Variants in AMDHD1 observed in about 807,000 individuals in gnomAD.
AMDHD1 encodes the protein amidohydrolase domain containing 1.
AMDHD1 carries 45 observed loss-of-function variants against 44.1 expected under a neutral mutation model. The observed-to-expected ratio is 1.02, with a 90% CI of 0.80 to 1.31. The LOEUF (loss-of-function observed/expected upper bound fraction) is 1.31. Among genes scored for constraint, AMDHD1 ranks in the 50% most tolerant of loss-of-function variants. The probability of loss-of-function intolerance (pLI) is 0.00; values close to 1 mark genes in which losing one functional copy is unlikely to be tolerated. For synonymous variants in AMDHD1, 206 were observed against 205.0 expected (o/e 1.00, Z -0.04); for missense variants, 586 against 552.1 (o/e 1.06, Z -0.61).
At position 95,960,561 on chromosome 12, in the gene AMDHD1, A is replaced by G. The variant is rs2080575981; in HGVS notation, c.751A>G (p.Lys251Glu). 5 of 1,614,120 alleles carry G rather than the reference A, an allele frequency of 3.1e-6. No homozygotes were observed. The highest frequency in any genetic ancestry group is 4.2e-6 in the Non-Finnish European group (5 of 1,180,046). The change falls in exon 5 of 9, where the codon AAA becomes GAA. Residue 251 changes from lysine (K) to glutamate (E), a missense_variant. By Grantham distance (56) the Lys-to-Glu change is moderately conservative. Transcript: ENST00000266736. Reference protein sequence around the residue: ...DSTRRILQRGKDIGLQINFHG... With the variant: ...DSTRRILQRGEDIGLQINFHG... The stretch of plus-strand genomic sequence containing the variant: ...CACCAGAAGGATTCTTCAACGTGGA[A>G]AAGATATAGGGTTACAGATTAACTT...
intron 1 of AMDHD1, among the ~76,000 whole-genome samples, chr12:95,946,331 A>G (rs960640849): frequency 2.0e-5 from 3 of 152,202 alleles, no homozygotes; most frequent in Non-Finnish European, 4.4e-5. Context: ...TTTCCTTCCT[A>G]GAAGCCAATT....
rs771138674 is a variant in AMDHD1, at chr12:95,956,776, T to TG, written c.402dup (p.Phe135ValfsTer40). On this transcript the variant is annotated frameshift_variant, in exon 4 of 9. Transcript: ENST00000266736. LOFTEE classifies it high-confidence loss of function. ...ACGCGCCAAGCCACAGAGGAGGAGC[T>TG]GTTCCGCTCCTTGCAGCAACGGCTC... The TG allele has an allele frequency of 6.2e-7, 1 of 1,614,222 alleles. No homozygotes were observed. Among genetic ancestry groups the TG allele is most frequent in the East Asian group, 2.2e-5 (1 of 44,884 alleles).
At chr12:95,965,185 A>G (rs2080603356) in intron 6 of AMDHD1, among the ~76,000 whole-genome samples, 2 of 151,368 alleles carry the variant, frequency 1.3e-5, no homozygotes, top group South Asian at 4.2e-4. Context: ...TGTAGTCCCA[A>G]CTACTCGGGA....
intron 4 of AMDHD1, among the ~76,000 whole-genome samples, chr12:95,958,613 T>C (rs1412636985): frequency 6.6e-6 from 1 of 152,216 alleles, no homozygotes; most frequent in Non-Finnish European, 1.5e-5. Context: ...CAGTTTGAAG[T>C]GATGCCAGAC....
intron 6 of AMDHD1, 92 bp from the exon 7 acceptor site, chr12:95,965,594 G>A (rs1162413085): frequency 4.3e-6 from 3 of 700,116 alleles, no homozygotes. Flanking sequence ...GAATATGAAG[G>A]CGTTGACTGT....
rs61939216 is a variant in AMDHD1, at chr12:95,948,596, G to A, written c.138-4121G>A. Reference sequence around the variant, plus strand: ...CCGACCCGTCCGGGAGGTGAGGGGCGCCTCTGCCCAGCCACCACCCCGTCT... The same window carrying A: ...CCGACCCGTCCGGGAGGTGAGGGGCACCTCTGCCCAGCCACCACCCCGTCT... On this transcript the variant is annotated intron_variant, in intron 1 of 8. Transcript: ENST00000266736. Among the ~76,000 whole-genome samples the A allele has an allele frequency of 3.6e-5, 3 of 82,772 alleles. 1 individual carries two copies. The highest frequency in any genetic ancestry group is 1.5e-4 in the African/African-American group (3 of 19,396). 54.3% of individuals were successfully genotyped at this position (82,772 alleles called of 152,430 possible).
intron 4 of AMDHD1, among the ~76,000 whole-genome samples, chr12:95,958,987 G>A (rs1302810423): frequency 7.9e-5 from 12 of 151,990 alleles, no homozygotes; most frequent in African/African-American, 2.4e-4. Context: ...CCCGGGAGGT[G>A]GAAGTTGCGG....
chr12:95,964,928 C>CAAA lies in AMDHD1; in HGVS notation c.939-737_939-735dup, dbSNP rs60076877. On this transcript the variant is annotated intron_variant, in intron 6 of 8. Coordinates refer to ENST00000266736, the MANE Select transcript of AMDHD1 (RefSeq NM_152435.3). ...AAAGGACCTACAGAGATGTTTGAGG[C>CAAA]AAAAAAAAAAAAAAAAAAAAAAAGA... is the stretch of plus-strand genomic sequence containing the variant. 1.9e-3 allele frequency among the ~76,000 whole-genome samples: 68 copies of CAAA among 35,676 alleles called. 3 individuals are homozygous for CAAA. Among genetic ancestry groups the CAAA allele is most frequent in the Middle Eastern group, 0.023 (1 of 44 alleles). 23.4% of individuals were successfully genotyped at this position (35,676 alleles called of 152,430 possible).
chr12:95,956,368 A>G (rs552828136), intron 3 of AMDHD1, among the ~76,000 whole-genome samples: 2 of 152,220 alleles, frequency 1.3e-5, no homozygotes, highest in Non-Finnish European at 2.9e-5. Flanking sequence ...TAGGCCTCCC[A>G]AAGTATTGGG....
chr12:95,950,380 T>C (rs1436870878), intron 1 of AMDHD1, among the ~76,000 whole-genome samples: 1 of 152,214 alleles, frequency 6.6e-6, no homozygotes, highest in Non-Finnish European at 1.5e-5. Context: ...TCTTACATTT[T>C]GTTAGGTTAC....
intron 3 of AMDHD1, 109 bp downstream of exon 3, chr12:95,955,084 A>T: frequency 9.1e-7 from 1 of 1,098,650 alleles, no homozygotes; most frequent in South Asian, 1.4e-5. Flanking sequence ...ATATTTTTTA[A>T]TGGATATTTT....
chr12:95,965,635 T>G (rs373542929), intron 6 of AMDHD1, 51 bp from the exon 7 acceptor site: 6 of 1,290,636 alleles, frequency 4.6e-6, no homozygotes, highest in Non-Finnish European at 6.7e-6. Flanking sequence ...GAACAGCTAT[T>G]CTACAAAAGC....
Position 95,943,812 on chromosome 12 carries a change from T to C in AMDHD1, c.137+277T>C, listed in dbSNP as rs2136755116. 2.0e-5 allele frequency among the ~76,000 whole-genome samples: 3 copies of C among 152,228 alleles called. No individual in the cohort carries two copies. In the South Asian group the frequency reaches 6.2e-4, roughly 32 times the overall value. ...GTCCAACCATCAGAAGGGGTTGAGG[T>C]CCTCCCCAGTGCTTCTTAAAGGGAG... On this transcript the variant is annotated intron_variant, in intron 1 of 8. Transcript: ENST00000266736.
chr12:95,949,505 T>C (rs2080517258), intron 1 of AMDHD1, among the ~76,000 whole-genome samples: 1 of 152,198 alleles, frequency 6.6e-6, no homozygotes, highest in Admixed American at 6.5e-5. Flanking sequence ...GTGCCTATTA[T>C]TTGTATCCCC....
intron 5 of AMDHD1, 55 bp downstream of exon 5, chr12:95,960,678 CTATGGGAAACT>C (rs2080577187): frequency 6.6e-7 from 1 of 1,507,140 alleles, no homozygotes; most frequent in East Asian, 2.3e-5. Context: ...CACATTCATG[CTATGGGAAACT>C]TAATTAGTTT....
chr12:95,961,539 T>C (rs2080581491), intron 5 of AMDHD1, among the ~76,000 whole-genome samples: 1 of 152,216 alleles, frequency 6.6e-6, no homozygotes, highest in South Asian at 2.1e-4. Context: ...AATACAGACA[T>C]AGATACCCCA....
chr12:95,956,538 A>G, intron 3 of AMDHD1, 147 bp from the exon 4 acceptor site: 1 of 1,104,438 alleles, frequency 9.1e-7, no homozygotes, highest in Non-Finnish European at 1.3e-6. Flanking sequence ...AGGACTGTGT[A>G]TCCCAGCACC....
In AMDHD1 at chr12:95,965,760, A is replaced by T; in HGVS notation, c.1013A>T (p.Asn338Ile). ...GCTCTGGGAAGTGATTTCAACCCCAATGCATATTGCTTTTCAATGGTAATT... is the reference window on the plus strand; with the variant it reads ...GCTCTGGGAAGTGATTTCAACCCCATTGCATATTGCTTTTCAATGGTAATT... ...IVALGSDFNPNAYCFSMPMVM... is the reference protein window; with the variant it reads ...IVALGSDFNPIAYCFSMPMVM... The change falls in exon 7 of 9, where the codon AAT becomes ATT. Residue 338 changes from asparagine to isoleucine, a missense_variant. Transcript: ENST00000266736. 1 of 1,611,440 alleles carries T rather than the reference A, an allele frequency of 6.2e-7. No individual in the cohort carries two copies. The highest frequency in any genetic ancestry group is 1.3e-5 in the African/African-American group (1 of 75,004).
chr12:95,963,082 G>C (rs1018510128), intron 6 of AMDHD1, among the ~76,000 whole-genome samples: 3 of 152,158 alleles, frequency 2.0e-5, no homozygotes, highest in African/African-American at 7.2e-5. Context: ...GAGGTCTTCT[G>C]ACACTTCCCA....
Sources: gnomAD v4.1 joint callset for allele counts (sites outside exome capture counted in the v4.1 genomes callset) on GRCh38, gnomAD v4.1.1 for gene constraint, MANE v1.5 for transcripts, NCBI Gene and HGNC (gene_info 2026-07-23, HGNC 2026-07-21) for gene names.